FTO: variants seen among roughly 807,000 people sequenced by gnomAD.
FTO encodes FTO alpha-ketoglutarate dependent dioxygenase.
In FTO, 47 loss-of-function variants were observed where a neutral mutation model predicts 63.9. That is an observed-to-expected ratio of 0.74 (90% confidence interval 0.58 to 0.94). The LOEUF is 0.94. Ranked by LOEUF, FTO falls within the 40% of genes least tolerant of loss-of-function variation. The pLI is 0.00. For synonymous variants in FTO, 207 were observed against 224.4 expected (o/e 0.92, Z 0.69); for missense variants, 562 against 618.1 (o/e 0.91, Z 0.96).
chr16:54,014,644 A>C (rs1286251512), intron 8 of FTO, among the ~76,000 whole-genome samples: 1 of 152,086 alleles, frequency 6.6e-6, no homozygotes, highest in Non-Finnish European at 1.5e-5. Context: ...CATAAGGCAA[A>C]CTGGGAAACC....
intron 8 of FTO, among the ~76,000 whole-genome samples, chr16:54,093,494 C>T (rs1274207491): frequency 6.6e-6 from 1 of 152,208 alleles, no homozygotes; most frequent in Non-Finnish European, 1.5e-5. Context: ...CAAGTCCTTG[C>T]TGTGTTCTCC....
intron 8 of FTO, among the ~76,000 whole-genome samples, chr16:53,953,017 A>C (rs2082834853): frequency 6.6e-6 from 1 of 152,190 alleles, no homozygotes; most frequent in African/African-American, 2.4e-5. Flanking sequence ...GAAACTTAGA[A>C]AACCCGTCCA....
intron 8 of FTO, among the ~76,000 whole-genome samples, chr16:53,990,031 T>G (rs2083768771): frequency 6.9e-6 from 1 of 144,066 alleles, no homozygotes; most frequent in South Asian, 2.4e-4. Context: ...ATAAAAAATA[T>G]ATGCTAATTG....
chr16:54,025,288 A>G (rs1470780517), intron 8 of FTO, among the ~76,000 whole-genome samples: 1 of 152,240 alleles, frequency 6.6e-6, no homozygotes, highest in Non-Finnish European at 1.5e-5. Context: ...TCACAAAGGT[A>G]CACCAAACTT....
At chr16:53,881,697 C>T (rs1313246791) in intron 6 of FTO, among the ~76,000 whole-genome samples, 1 of 152,170 alleles carries the variant, frequency 6.6e-6, no homozygotes, top group Non-Finnish European at 1.5e-5. Context: ...CACTAATACC[C>T]TCTCAATATT....
chr16:53,733,448 A>G (rs2076318144), intron 1 of FTO, among the ~76,000 whole-genome samples: 1 of 152,170 alleles, frequency 6.6e-6, no homozygotes, highest in African/African-American at 2.4e-5. Flanking sequence ...AGCTGAATAC[A>G]GGGCGACCTG....
At position 53,871,556 on chromosome 16, in the gene FTO, T is replaced by C. The variant is rs187049549; in HGVS notation, c.896-2230T>C. On this transcript the variant is annotated intron_variant, in intron 4 of 8. Coordinates refer to ENST00000471389, the MANE Select transcript of FTO (RefSeq NM_001080432.3). ...ATTTAGAAGAAAAGAGAGATGTGAC[T>C]ACCTCGCATATTTTGTGTGTGTGTA... Among the ~76,000 whole-genome samples the C allele has an allele frequency of 7.4e-3, 1,128 of 152,300 alleles. 5 individuals carry two copies. The highest frequency in any genetic ancestry group is 0.013 in the Non-Finnish European group (892 of 68,028).
At chr16:53,854,955 C>A (rs1299665604) in intron 4 of FTO, among the ~76,000 whole-genome samples, 1 of 151,850 alleles carries the variant, frequency 6.6e-6, no homozygotes, top group Non-Finnish European at 1.5e-5. Context: ...TCTATGATTT[C>A]TTTCATCAGT....
intron 1 of FTO, among the ~76,000 whole-genome samples, chr16:53,732,055 T>A (rs1447659331): frequency 2.1e-5 from 3 of 141,814 alleles, no homozygotes; most frequent in East Asian, 2.1e-4. Context: ...TTTTTTTTTT[T>A]TTTTTTTTTT....
chr16:54,041,200 C>T (rs1289509382), intron 8 of FTO, among the ~76,000 whole-genome samples: 1 of 152,132 alleles, frequency 6.6e-6, no homozygotes, highest in Non-Finnish European at 1.5e-5. Context: ...CACAGTTCCT[C>T]ATGGTGGGGA....
chr16:53,979,871 C>G (rs995021504), intron 8 of FTO, among the ~76,000 whole-genome samples: 33 of 152,204 alleles, frequency 2.2e-4, no homozygotes, highest in African/African-American at 7.2e-4. Flanking sequence ...GGTGCTTGCA[C>G]CCTTCCAGAG....
chr16:53,860,019 A>G (rs2080124671), intron 4 of FTO, among the ~76,000 whole-genome samples: 1 of 152,254 alleles, frequency 6.6e-6, no homozygotes, highest in South Asian at 2.1e-4. Context: ...CACAAAAGCC[A>G]TGATTTAGAA....
chr16:53,924,705 T>G (rs928261171), intron 7 of FTO, among the ~76,000 whole-genome samples: 4 of 152,166 alleles, frequency 2.6e-5, no homozygotes, highest in Non-Finnish European at 4.4e-5. Flanking sequence ...GCCGAGGTCA[T>G]CCAGGATGCG....
At chr16:53,950,393 T>C (rs2082764125) in intron 8 of FTO, among the ~76,000 whole-genome samples, 1 of 152,130 alleles carries the variant, frequency 6.6e-6, no homozygotes, top group African/African-American at 2.4e-5. Flanking sequence ...AAATGATGGA[T>C]TCTTCTAAAG....
intron 7 of FTO, among the ~76,000 whole-genome samples, chr16:53,923,647 C>G (rs2082062493): frequency 6.6e-6 from 1 of 151,900 alleles, no homozygotes; most frequent in Non-Finnish European, 1.5e-5. Context: ...TTTTTTTCCT[C>G]TTTACCTTTC....
At chr16:54,006,581 G>C (rs145310507) in intron 8 of FTO, among the ~76,000 whole-genome samples, 187 of 152,166 alleles carry the variant, frequency 1.2e-3, no homozygotes, top group African/African-American at 4.3e-3. Context: ...CCTTTCTCTA[G>C]TCATTATCCC....
chr16:53,964,123 A>C (rs1168880884), intron 8 of FTO, among the ~76,000 whole-genome samples: 2 of 152,216 alleles, frequency 1.3e-5, no homozygotes, highest in Admixed American at 6.5e-5. Context: ...GAATGGGTTG[A>C]GCTGATATGG....
chr16:54,007,386 G>A lies in FTO; in HGVS notation c.1364+73277G>A, dbSNP rs1407999273. ...GAAGAGCAGGACTCTGGAGCCAGGT[G>A]TTCTGAGTTCAGAGCCCACTCTGCC... On this transcript the variant is annotated intron_variant, in intron 8 of 8. Coordinates refer to ENST00000471389, the MANE Select transcript of FTO (RefSeq NM_001080432.3). 2.0e-5 allele frequency among the ~76,000 whole-genome samples: 3 copies of A among 152,182 alleles called. No individual in the cohort carries two copies. In the East Asian group the frequency reaches 5.8e-4, roughly 29 times the overall value.
chr16:54,057,964 C>T (rs1388623914), intron 8 of FTO, among the ~76,000 whole-genome samples: 1 of 152,144 alleles, frequency 6.6e-6, no homozygotes, highest in Non-Finnish European at 1.5e-5. Context: ...GCTATCATGG[C>T]CCTTCTCATG....
Sources: gnomAD v4.1 joint callset for allele counts (sites outside exome capture counted in the v4.1 genomes callset) on GRCh38, gnomAD v4.1.1 for gene constraint, MANE v1.5 for transcripts, NCBI Gene and HGNC (gene_info 2026-07-23, HGNC 2026-07-21) for gene names.